PTPRB: variants seen among roughly 807,000 people sequenced by gnomAD.
PTPRB encodes the protein protein tyrosine phosphatase receptor type B.
PTPRB carries 97 observed loss-of-function variants against 238.1 expected under a neutral mutation model. The observed-to-expected ratio is 0.41, with a 90% CI of 0.35 to 0.48. The LOEUF (loss-of-function observed/expected upper bound fraction) is 0.48. Ranked by LOEUF, PTPRB falls within the 20% of genes least tolerant of loss-of-function variation. The probability of loss-of-function intolerance (pLI) is 0.30; values close to 1 mark genes in which losing one functional copy is unlikely to be tolerated. For synonymous variants in PTPRB, 970 were observed against 995.4 expected (o/e 0.97, Z 0.48); for missense variants, 2,292 against 2,681.9 (o/e 0.85, Z 3.21).
At chr12:70,633,034 G>A (rs925167333) in intron 2 of PTPRB, among the ~76,000 whole-genome samples, 1 of 152,080 alleles carries the variant, frequency 6.6e-6, no homozygotes, top group Non-Finnish European at 1.5e-5. Context: ...TGAAACATGT[G>A]GCTTAGATTT....
At chr12:70,576,925 G>T (rs966408251) in intron 10 of PTPRB, among the ~76,000 whole-genome samples, 16 of 152,230 alleles carry the variant, frequency 1.1e-4, no homozygotes, top group African/African-American at 3.9e-4. Context: ...TTTTTATGGG[G>T]TTGCTGTTTG....
chr12:70,608,802 A>C (rs554652454), intron 4 of PTPRB: 1 of 432,306 alleles, frequency 2.3e-6, no homozygotes, highest in Admixed American at 4.0e-5. Flanking sequence ...CGCAGCCCAA[A>C]GTTTCTCTTT....
chr12:70,520,204 C>T lies in PTPRB; in HGVS notation c.*1285G>A, dbSNP rs1435753443. ...TCCTTTCAAATTTTTCCCAGGAATG[C>T]TGTCGGAACTGGACCTTGATGAAGG... On this transcript the variant is annotated 3_prime_UTR_variant, in exon 34 of 34. Transcript: ENST00000334414. 1.5e-5 allele frequency: 7 copies of T among 480,204 alleles called. No individual in the cohort carries two copies. The highest frequency in any genetic ancestry group is 5.8e-5 in the East Asian group (1 of 17,104). 29.7% of individuals were successfully genotyped at this position (480,204 alleles called of 1,614,324 possible).
intron 8 of PTPRB, among the ~76,000 whole-genome samples, chr12:70,588,019 G>A (rs989903202): frequency 6.6e-6 from 1 of 150,444 alleles, no homozygotes; most frequent in Non-Finnish European, 1.5e-5. Flanking sequence ...TTGCTTAAGT[G>A]GGGGAGGTGG....
intron 3 of PTPRB, among the ~76,000 whole-genome samples, chr12:70,613,810 T>C (rs1358089360): frequency 6.6e-6 from 1 of 152,180 alleles, no homozygotes; most frequent in African/African-American, 2.4e-5. Flanking sequence ...TATTGTTACA[T>C]GAATAAATAT....
chr12:70,566,382 C>G, intron 15 of PTPRB, 53 bp downstream of exon 15: 1 of 1,581,556 alleles, frequency 6.3e-7, no homozygotes, highest in South Asian at 1.2e-5. Flanking sequence ...GGTTCTTACA[C>G]AATAGCAGAC....
Position 70,587,011 on chromosome 12 carries a change from T to C in PTPRB, c.2307A>G (p.Arg769=). 6.2e-7 allele frequency: 1 copy of C among 1,612,680 alleles called. No homozygotes were observed. Among genetic ancestry groups the C allele is most frequent in the Non-Finnish European group, 8.5e-7 (1 of 1,178,958 alleles). ...DLKNSSSVKG[R]TVPAQVTDLH... is the part of the protein sequence containing the mutation. ...AAAATTTATAAAGGTTACTACCTGT[T>C]CTTCCTTTTACTGAAGAGGAATTTT... The change falls in exon 9 of 34, where the codon AGA becomes AGG. Residue 769 remains arginine (R), a synonymous_variant. Transcript: ENST00000334414.
In PTPRB at chr12:70,560,796, T is replaced by G; in HGVS notation, c.4307A>C (p.Asn1436Thr). Residue 1436 changes from asparagine to threonine, a missense_variant, in exon 17 of 34, where the codon AAC (asparagine) becomes ACC (threonine). By Grantham distance (65) the Asn-to-Thr change is moderately conservative (BLOSUM62 0). Coordinates refer to ENST00000334414, the MANE Select transcript of PTPRB (RefSeq NM_001109754.4). This position sits in a 1 kb window ranked among gnomAD's most constrained non-coding sequence, Gnocchi z 4.2. ...LYNPNGTKKE[N>T]WKDKDLTEWR... is the part of the protein sequence containing the mutation. ...CTCCGTCAGGTCCTTGTCTTTCCAG[T>G]TTTCCTTCTTTGTGCCATTGGGATT... 1 of 1,613,802 alleles carries G rather than the reference T, an allele frequency of 6.2e-7. No homozygotes were observed. Among genetic ancestry groups the G allele is most frequent in the East Asian group, 2.2e-5 (1 of 44,880 alleles).
In PTPRB at chr12:70,609,902, G is replaced by A. The variant is rs950438232; in HGVS notation, c.709-563C>T. ...CGGGGCAGGGGGTCACCTGTTGCGCGCGCTCAGCGCGCCCCGTGGGCGCAG... is the reference window on the plus strand; with the variant it reads ...CGGGGCAGGGGGTCACCTGTTGCGCACGCTCAGCGCGCCCCGTGGGCGCAG... On this transcript the variant is annotated intron_variant, in intron 3 of 33. Transcript: ENST00000334414. 4.8e-6 allele frequency: 6 copies of A among 1,253,848 alleles called. No homozygotes were observed. In the East Asian group the frequency reaches 1.2e-4, roughly 25 times the overall value. 77.7% of individuals were successfully genotyped at this position (1,253,848 alleles called of 1,614,324 possible).
At chr12:70,618,542 G>A (rs761065391) in intron 3 of PTPRB, among the ~76,000 whole-genome samples, 5 of 152,058 alleles carry the variant, frequency 3.3e-5, no homozygotes, top group Non-Finnish European at 7.4e-5. Flanking sequence ...TATCACCACT[G>A]GGATTTAAGC....
chr12:70,562,720 G>A (rs1186725822), intron 16 of PTPRB, 124 bp downstream of exon 16: 1 of 1,256,128 alleles, frequency 8.0e-7, no homozygotes, highest in African/African-American at 1.5e-5. Context: ...CAGCCTGAAA[G>A]TCACAAATGC....
At chr12:70,615,678 G>A (rs1023065408) in intron 3 of PTPRB, among the ~76,000 whole-genome samples, 11 of 152,202 alleles carry the variant, frequency 7.2e-5, no homozygotes, top group African/African-American at 2.4e-4. Flanking sequence ...CCTTGGAAGG[G>A]AGTCTACTCC....
chr12:70,590,121 G>T lies in PTPRB; in HGVS notation c.1893C>A (p.Phe631Leu), dbSNP rs530187375. 6.2e-7 allele frequency: 1 copy of T among 1,613,890 alleles called. No individual in the cohort carries two copies. The highest frequency in any genetic ancestry group is 8.5e-7 in the Non-Finnish European group (1 of 1,179,848). Reference protein sequence around the residue: ...GDWEQYRILLFNDSVVLLNIT... With the variant: ...GDWEQYRILLLNDSVVLLNIT... Reference sequence around the variant, plus strand: ...TGTTGAGCAGCACCACAGAATCATTGAAGAGTAGGATCCGATACTGCTCCC... The same window carrying T: ...TGTTGAGCAGCACCACAGAATCATTTAAGAGTAGGATCCGATACTGCTCCC... The change falls in exon 8 of 34, where the codon TTC becomes TTA. Residue 631 changes from phenylalanine (F) to leucine (L), a missense_variant. By Grantham distance (22) the Phe-to-Leu change is conservative. Transcript: ENST00000334414.
intron 18 of PTPRB, 68 bp from the exon 19 acceptor site, chr12:70,556,216 G>A: frequency 7.3e-7 from 1 of 1,374,548 alleles, no homozygotes; most frequent in Non-Finnish European, 9.9e-7. Context: ...AGCTCCTTTG[G>A]GTCCAACTAG....
chr12:70,567,599 ATCATACC>A (rs1364869609), intron 14 of PTPRB, among the ~76,000 whole-genome samples: 1 of 152,232 alleles, frequency 6.6e-6, no homozygotes, highest in African/African-American at 2.4e-5. Context: ...TCAGGACCAC[ATCATACC>A]CTTTAGCAAG....
At chr12:70,622,257 G>A (rs1351293059) in intron 3 of PTPRB, 133 bp downstream of exon 3, 7 of 1,293,838 alleles carry the variant, frequency 5.4e-6, no homozygotes, top group Admixed American at 2.3e-5. Flanking sequence ...TGTACAATTA[G>A]CAGCCAGGAC....
intron 33 of PTPRB, among the ~76,000 whole-genome samples, chr12:70,521,734 A>T (rs1871679990): frequency 6.6e-6 from 1 of 152,204 alleles, no homozygotes. Flanking sequence ...GTTTTTATGG[A>T]TGAAGCCATA....
Position 70,560,983 on chromosome 12 carries a change from A to G in PTPRB, c.4169-49T>C. On this transcript the variant is annotated intron_variant, in intron 16 of 33. Coordinates refer to ENST00000334414, the MANE Select transcript of PTPRB (RefSeq NM_001109754.4). The surrounding 1 kb of genome is among the most constrained non-coding windows in gnomAD (Gnocchi z 4.2). ...CTGAGAACAAAACAGAAACACAGGCATTTTGGCCCACAGGTGAGAGTATAT... is the reference window on the plus strand; with the variant it reads ...CTGAGAACAAAACAGAAACACAGGCGTTTTGGCCCACAGGTGAGAGTATAT... 1 of 1,559,576 alleles carries G rather than the reference A, an allele frequency of 6.4e-7. No homozygotes were observed. Among genetic ancestry groups the G allele is most frequent in the Non-Finnish European group, 8.8e-7 (1 of 1,134,242 alleles).
chr12:70,527,889 G>A (rs578080354), intron 32 of PTPRB: 1 of 152,336 alleles, frequency 6.6e-6, no homozygotes, highest in South Asian at 2.1e-4. Context: ...GCCAGCTCTA[G>A]CACCAGGGTT....
Sources: gnomAD v4.1 joint callset for allele counts (sites outside exome capture counted in the v4.1 genomes callset) on GRCh38, gnomAD v4.1.1 for gene constraint, Gnocchi (gnomAD v3.1) non-coding constraint, MANE v1.5 for transcripts, NCBI Gene and HGNC (gene_info 2026-07-23, HGNC 2026-07-21) for gene names.